Variants in CCNY observed in about 807,000 individuals in gnomAD.
CCNY encodes cyclin-Y.
CCNY carries 19 observed loss-of-function variants against 42.8 expected under a neutral mutation model. The observed-to-expected ratio is 0.44, with a 90% CI of 0.31 to 0.65. CCNY has a LOEUF of 0.65. Ranked by LOEUF, CCNY falls within the 30% of genes least tolerant of loss-of-function variation. CCNY has a pLI of 0.07. For missense variants in CCNY, 370 were observed against 437.3 expected, an observed-to-expected ratio of 0.85 and a Z score of 1.37; for synonymous variants, 165 against 162.7, an observed-to-expected ratio of 1.01 and a Z score of -0.11.
At chr10:35,368,768 G>A (rs1407471969) in intron 1 of CCNY, among the ~76,000 whole-genome samples, 1 of 152,204 alleles carries the variant, frequency 6.6e-6, no homozygotes, top group East Asian at 1.9e-4. Flanking sequence ...TAAGGTAGAA[G>A]CTTTCTGATG....
At chr10:35,438,482 T>C (rs1838592645) in intron 1 of CCNY, among the ~76,000 whole-genome samples, 1 of 152,184 alleles carries the variant, frequency 6.6e-6, no homozygotes, top group Admixed American at 6.5e-5. Flanking sequence ...AGTTATATAA[T>C]ATTCTGTTGT....
chr10:35,399,165 A>G (rs750665144), intron 1 of CCNY, among the ~76,000 whole-genome samples: 10 of 152,178 alleles, frequency 6.6e-5, no homozygotes, highest in Non-Finnish European at 1.2e-4. Context: ...CTTTTTAACC[A>G]TGTGTGCTTG....
chr10:35,467,054 T>A (rs1839284237), intron 1 of CCNY, among the ~76,000 whole-genome samples: 4 of 152,210 alleles, frequency 2.6e-5, no homozygotes, highest in Admixed American at 2.6e-4. Flanking sequence ...GCCATACCTG[T>A]TGTGTTTACT....
In CCNY at chr10:35,509,288, G is replaced by A. The variant is rs111801584; in HGVS notation, c.265-7235G>A. On this transcript the variant is annotated intron_variant, in intron 3 of 9. Transcript: ENST00000374704. ...GCTGTACCCTTTTTTGGGGGCTGGG[G>A]GTAGGGGGTCAGAGTCTTGCTCTGT... 3.4e-3 allele frequency among the ~76,000 whole-genome samples: 511 copies of A among 152,142 alleles called. 4 individuals carry two copies. Among genetic ancestry groups the A allele is most frequent in the African/African-American group, 0.012 (481 of 41,502 alleles).
At chr10:35,247,334 A>G (rs758195308) in intron 1 of CCNY, among the ~76,000 whole-genome samples, 3 of 152,074 alleles carry the variant, frequency 2.0e-5, no homozygotes, top group Non-Finnish European at 4.4e-5. Flanking sequence ...TGGCTCATGC[A>G]TGTAATCCCA....
At chr10:35,365,478 A>G (rs1280457463) in intron 1 of CCNY, among the ~76,000 whole-genome samples, 2 of 152,238 alleles carry the variant, frequency 1.3e-5, no homozygotes, top group African/African-American at 4.8e-5. Flanking sequence ...TTGAATATTA[A>G]AAAATTGCAG....
intron 3 of CCNY, among the ~76,000 whole-genome samples, chr10:35,289,202 G>A (rs927193860): frequency 1.3e-5 from 2 of 151,914 alleles, no homozygotes; most frequent in East Asian, 1.9e-4. Context: ...ATTATTTGCT[G>A]GTAGTATAAA....
At chr10:35,307,789 TG>T (rs1370781839) in intron 3 of CCNY, among the ~76,000 whole-genome samples, 1 of 83,696 alleles carries the variant, frequency 1.2e-5, no homozygotes, top group African/African-American at 5.5e-5. Flanking sequence ...TGTGTGTGTG[TG>T]TGTGTGTGTG....
chr10:35,506,611 A>G (rs1191407793), intron 3 of CCNY, among the ~76,000 whole-genome samples: 1 of 152,138 alleles, frequency 6.6e-6, no homozygotes, highest in Non-Finnish European at 1.5e-5. Flanking sequence ...GCACAAAGGA[A>G]GTGGCACTTG....
rs533602521 is a variant in CCNY at position 35,479,502 on chromosome 10, A to G, written c.155-3902A>G. On this transcript the variant is annotated intron_variant, in intron 1 of 9. Transcript: ENST00000374704. ...ATCATCATTCTCAGTAAACTATCGC[A>G]AGAACAAAAAACCAAACACCGCATA... Among the ~76,000 whole-genome samples the G allele has an allele frequency of 3.4e-3, 487 of 144,250 alleles. 2 individuals carry two copies. The highest frequency in any genetic ancestry group is 0.012 in the African/African-American group (460 of 38,620). 94.6% of individuals were successfully genotyped at this position (144,250 alleles called of 152,430 possible).
intron 1 of CCNY, among the ~76,000 whole-genome samples, chr10:35,368,512 T>G (rs912186966): frequency 6.6e-6 from 1 of 152,230 alleles, no homozygotes; most frequent in Non-Finnish European, 1.5e-5. Flanking sequence ...GGTTGTCATT[T>G]TATACTCTGT....
intron 3 of CCNY, among the ~76,000 whole-genome samples, chr10:35,324,225 C>T (rs567118168): frequency 9.2e-5 from 14 of 152,246 alleles, no homozygotes; most frequent in African/African-American, 3.1e-4. Context: ...CTTTACAGTA[C>T]CTGCTTTGTA....
At chr10:35,493,855 CCTAGAGTGT>C (rs1386691389) in intron 2 of CCNY, among the ~76,000 whole-genome samples, 5 of 152,132 alleles carry the variant, frequency 3.3e-5, no homozygotes, top group Non-Finnish European at 7.4e-5. Flanking sequence ...TAATCCTTAC[CCTAGAGTGT>C]AGGTTCTCAT....
At chr10:35,439,736 G>A (rs1343635429) in intron 1 of CCNY, among the ~76,000 whole-genome samples, 2 of 151,204 alleles carry the variant, frequency 1.3e-5, no homozygotes, top group Non-Finnish European at 2.9e-5. Context: ...GAAACCTCCT[G>A]GACATTTTGG....
At chr10:35,426,111 G>GCGCACA (rs1371722726) in intron 1 of CCNY, among the ~76,000 whole-genome samples, 49 of 80,498 alleles carry the variant, frequency 6.1e-4, no homozygotes, top group African/African-American at 2.5e-3. Context: ...TCCAGCACGC[G>GCGCACA]CACACACACA....
At chr10:35,305,871 T>A (rs1835600319) in intron 3 of CCNY, among the ~76,000 whole-genome samples, 1 of 152,190 alleles carries the variant, frequency 6.6e-6, no homozygotes, top group African/African-American at 2.4e-5. Context: ...TGACCCCTTG[T>A]AAGACTTCAC....
chr10:35,490,835 G>T (rs978172588), intron 2 of CCNY, among the ~76,000 whole-genome samples: 1 of 152,188 alleles, frequency 6.6e-6, no homozygotes, highest in African/African-American at 2.4e-5. Context: ...GCAGGCCTCA[G>T]CTCAGGTGTG....
Position 35,372,448 on chromosome 10 carries a change from G to A in CCNY, c.154+35241G>A, listed in dbSNP as rs114591603. Among the ~76,000 whole-genome samples, 268 of 152,346 alleles carry A rather than the reference G, an allele frequency of 1.8e-3. 1 individual carries two copies. Among genetic ancestry groups the A allele is most frequent in the African/African-American group, 6.2e-3 (258 of 41,578 alleles). On this transcript the variant is annotated intron_variant, in intron 1 of 9. Transcript: ENST00000374704. ...CCTGGGATCAGCCTCGGGCCTTCCAGGGTGTGCGGAGGTCATGCATGAAGT... is the reference window on the plus strand; with the variant it reads ...CCTGGGATCAGCCTCGGGCCTTCCAAGGTGTGCGGAGGTCATGCATGAAGT...
chr10:35,308,713 A>C (rs1360927425), intron 3 of CCNY, among the ~76,000 whole-genome samples: 2 of 152,194 alleles, frequency 1.3e-5, no homozygotes, highest in African/African-American at 2.4e-5. Context: ...GGCTACCGGC[A>C]GATAAGAGCT....
Sources: gnomAD v4.1 joint callset for allele counts (sites outside exome capture counted in the v4.1 genomes callset) on GRCh38, gnomAD v4.1.1 for gene constraint, MANE v1.5 for transcripts, NCBI Gene and HGNC (gene_info 2026-07-23, HGNC 2026-07-21) for gene names.